MARCO: variants seen among roughly 807,000 people sequenced by gnomAD.
MARCO encodes macrophage receptor MARCO.
Under a neutral mutation model 70.0 loss-of-function variants are expected in MARCO, and 72 were observed. That is an observed-to-expected ratio of 1.03 (90% CI 0.85 to 1.25). The LOEUF is 1.25. MARCO is among the 50% of genes most tolerant of loss of function. The pLI is 0.00. For missense variants in MARCO, 696 were observed against 659.3 expected (o/e 1.06, Z -0.61); for synonymous variants, 273 against 243.1 (o/e 1.12, Z -1.14).
chr2:118,953,504 C>T (rs1392041473), intron 1 of MARCO, among the ~76,000 whole-genome samples: 1 of 152,170 alleles, frequency 6.6e-6, no homozygotes, highest in Non-Finnish European at 1.5e-5. Context: ...TGTCTTCCAA[C>T]TATGTGAATT....
chr2:118,943,650 TTAAAGGA>T, intron 1 of MARCO, among the ~76,000 whole-genome samples: 1 of 152,306 alleles, frequency 6.6e-6, no homozygotes, highest in East Asian at 1.9e-4. Flanking sequence ...CTTCCAAAGT[TTAAAGGA>T]TAAAGGGAGT....
At chr2:118,972,235 CAT>C (rs962279932) in intron 4 of MARCO, among the ~76,000 whole-genome samples, 72 of 152,374 alleles carry the variant, frequency 4.7e-4, no homozygotes, top group African/African-American at 1.7e-3. Flanking sequence ...CCTCAACCCA[CAT>C]GTGTTGTGTT....
At chr2:118,952,170 A>T (rs1452992665) in intron 1 of MARCO, among the ~76,000 whole-genome samples, 1 of 152,044 alleles carries the variant, frequency 6.6e-6, no homozygotes, top group Admixed American at 6.5e-5. Context: ...ACCACCTGAA[A>T]TTTGCAGAAG....
Position 118,990,466 on chromosome 2 carries a change from A to G in MARCO, c.1064-123A>G, listed in dbSNP as rs1039711446. On this transcript the variant is annotated intron_variant, in intron 12 of 16. Coordinates refer to ENST00000327097, the MANE Select transcript of MARCO (RefSeq NM_006770.4). ...CTGAAGAGGCTTTAAACAATCGTGG[A>G]GAACCAATGTATCTTTCCATCTGCA... 4.4e-6 allele frequency: 4 copies of G among 902,896 alleles called. No individual in the cohort carries two copies. The African/African-American group carries it at 6.6e-5, about 15-fold the overall frequency. The allele number at this position is 902,896 out of a possible 1,614,324, so 55.9% of individuals were successfully genotyped here.
chr2:118,974,632 G>A (rs1680243181), intron 6 of MARCO, 67 bp downstream of exon 6: 10 of 1,469,764 alleles, frequency 6.8e-6, no homozygotes, highest in Non-Finnish European at 9.3e-6. Context: ...GCTGTGGGCT[G>A]CAGACGCAGC....
chr2:118,951,676 T>C (rs1679724908), intron 1 of MARCO, among the ~76,000 whole-genome samples: 1 of 152,266 alleles, frequency 6.6e-6, no homozygotes, highest in Admixed American at 6.5e-5. Context: ...AAGGTGGTAT[T>C]GGAGTGTTAT....
At chr2:118,949,490 T>C (rs1679677813) in intron 1 of MARCO, 1 of 151,994 alleles carries the variant, frequency 6.6e-6, no homozygotes, top group South Asian at 2.1e-4. Flanking sequence ...TTGTAGGAGG[T>C]AGAGGAGGGA....
chr2:118,991,102 C>T (rs1680613387), intron 13 of MARCO, among the ~76,000 whole-genome samples: 1 of 152,164 alleles, frequency 6.6e-6, no homozygotes, highest in Non-Finnish European at 1.5e-5. Flanking sequence ...AGAGCCTGTG[C>T]TTCAGTTGGG....
intron 12 of MARCO, among the ~76,000 whole-genome samples, chr2:118,989,767 T>G (rs1400104737): frequency 6.6e-6 from 1 of 152,222 alleles, no homozygotes; most frequent in African/African-American, 2.4e-5. Context: ...TACCCTCTAG[T>G]AACTGTTATT....
intron 1 of MARCO, among the ~76,000 whole-genome samples, chr2:118,953,935 C>T (rs1167117955): frequency 6.6e-6 from 1 of 152,188 alleles, no homozygotes; most frequent in African/African-American, 2.4e-5. Context: ...GGTCCCCAAG[C>T]AGCCCACTCC....
chr2:118,969,948 G>A (rs1185737382), intron 2 of MARCO, among the ~76,000 whole-genome samples, 166 bp from the exon 3 acceptor site: 3 of 152,156 alleles, frequency 2.0e-5, no homozygotes, highest in Non-Finnish European at 4.4e-5. Flanking sequence ...AGCGCACATG[G>A]TCAAGATGTA....
chr2:118,945,829 GT>G (rs1679587777), intron 1 of MARCO, among the ~76,000 whole-genome samples: 1 of 152,090 alleles, frequency 6.6e-6, no homozygotes, highest in South Asian at 2.1e-4. Flanking sequence ...AAAAGTTAGG[GT>G]TTTTATTGTT....
intron 6 of MARCO, among the ~76,000 whole-genome samples, chr2:118,975,124 G>A (rs1260300316): frequency 1.3e-5 from 2 of 152,150 alleles, no homozygotes; most frequent in Non-Finnish European, 2.9e-5. Context: ...GCCTAATTCT[G>A]CCCAGCCATC....
At chr2:118,992,938 G>A (rs1041736527) in intron 15 of MARCO, 186 bp from the exon 16 acceptor site, 1 of 595,120 alleles carries the variant, frequency 1.7e-6, no homozygotes, top group Middle Eastern at 4.5e-4. Flanking sequence ...GGCCCCAGGT[G>A]CATGGAGGCT....
At chr2:118,990,556 TC>T in intron 12 of MARCO, 32 bp from the exon 13 acceptor site, 2 of 1,566,372 alleles carry the variant, frequency 1.3e-6, no homozygotes, top group African/African-American at 1.7e-5. Flanking sequence ...TTTTATTATC[TC>T]CTCCCCCCCC....
chr2:118,954,998 G>A (rs564255246), intron 1 of MARCO, among the ~76,000 whole-genome samples: 2 of 150,742 alleles, frequency 1.3e-5, no homozygotes, highest in South Asian at 2.1e-4. Context: ...GTAATATGAC[G>A]AAACAAGGCT....
Position 118,991,859 on chromosome 2 carries a change from A to G in MARCO, c.1191A>G (p.Gly397=). The change falls in exon 14 of 17, where the codon GGA becomes GGG. Residue 397 remains glycine, a synonymous_variant. Transcript: ENST00000327097. The part of the protein sequence containing the change: ...KGAPGQAGQK[G]DQGVKGSSGE... ...CCCCTGGACAAGCTGGCCAGAAGGG[A>G]GACCAGGGAGTGAAAGGTAAGGCCT... 2 of 1,597,478 alleles carry G rather than the reference A, an allele frequency of 1.3e-6. No individual in the cohort carries two copies. Among genetic ancestry groups the G allele is most frequent in the Non-Finnish European group, 1.7e-6 (2 of 1,173,104 alleles).
In MARCO at chr2:118,993,087, C is replaced by G. The variant is rs201891103; in HGVS notation, c.1253-37C>G. 5.3e-5 allele frequency: 85 copies of G among 1,599,998 alleles called. No individual in the cohort carries two copies. In the African/African-American group the frequency reaches 1.0e-3, roughly 19 times the overall value. ...CGCACTTACCCAAAGCCCCAAGGGG[C>G]CTTCCTTGCCTCTCCCATGTGTGTT... On this transcript the variant is annotated intron_variant, in intron 15 of 16. Transcript: ENST00000327097.
intron 1 of MARCO, chr2:118,949,509 T>A (rs936141925): frequency 6.6e-6 from 1 of 152,182 alleles, no homozygotes; most frequent in Non-Finnish European, 1.5e-5. Context: ...GAGAACAAAG[T>A]GCACCTTAAA....
Sources: gnomAD v4.1 joint callset for allele counts (sites outside exome capture counted in the v4.1 genomes callset) on GRCh38, gnomAD v4.1.1 for gene constraint, MANE v1.5 for transcripts, NCBI Gene and HGNC (gene_info 2026-07-23, HGNC 2026-07-21) for gene names.